SLC15A4: variants seen among roughly 807,000 people sequenced by gnomAD.
SLC15A4 encodes the protein solute carrier family 15 member 4, also known as hPHT1.
Under a neutral mutation model 46.1 loss-of-function variants are expected in SLC15A4, and 26 were observed. The ratio of observed to expected loss-of-function variants is 0.56; its 90% CI spans 0.41 to 0.78. The LOEUF (loss-of-function observed/expected upper bound fraction) is 0.78. Among genes scored for constraint, SLC15A4 ranks in the 30% least tolerant of loss-of-function variants. The pLI, the probability that SLC15A4 is intolerant of heterozygous loss-of-function variation, is 0.00. For synonymous variants in SLC15A4, 370 were observed against 333.4 expected, an observed-to-expected ratio of 1.11 and a Z score of -1.20; for missense variants, 751 against 755.7, an observed-to-expected ratio of 0.99 and a Z score of 0.07.
rs753989501 is a variant in SLC15A4, at chr12:128,809,964, A to C, written c.990T>G (p.Pro330=). The C allele has an allele frequency of 8.1e-6, 13 of 1,614,120 alleles. No homozygotes were observed. Among genetic ancestry groups the C allele is most frequent in the Non-Finnish European group, 1.1e-5 (13 of 1,180,022 alleles). ...KIVPVFLALI[P]YWTVYFQMQT... Reference sequence around the variant, plus strand: ...TCACTTGGAAATACACTGTCCAGTAAGGTATCAAAGCCAAGAAAACAGGGA... The same window carrying C: ...TCACTTGGAAATACACTGTCCAGTACGGTATCAAAGCCAAGAAAACAGGGA... Residue 330 remains proline, a synonymous_variant, in exon 3 of 8, where the codon CCT becomes CCG. Coordinates refer to ENST00000266771, the MANE Select transcript of SLC15A4 (RefSeq NM_145648.4).
intron 7 of SLC15A4, among the ~76,000 whole-genome samples, chr12:128,797,695 C>G (rs1190816753): frequency 3.9e-5 from 6 of 152,192 alleles, no homozygotes; most frequent in Non-Finnish European, 7.3e-5. Flanking sequence ...ACAGACACCC[C>G]CGGAACCTGG....
Position 128,823,676 on chromosome 12 carries a change from G to T in SLC15A4, c.268C>A (p.Pro90Thr), listed in dbSNP as rs1432787905. The T allele has an allele frequency of 4.0e-6, 6 of 1,503,052 alleles. No homozygotes were observed. The Admixed American group carries it at 1.3e-4, about 32-fold the overall frequency. 93.1% of individuals were successfully genotyped at this position (1,503,052 alleles called of 1,614,324 possible). Reference protein sequence around the residue: ...LFMGLTYLGSPFGGWLADARL... With the variant: ...LFMGLTYLGSTFGGWLADARL... ...GCGTCGGCCAGCCAGCCTCCGAACG[G>T]CGAGCCCAGGTAGGTGAGGCCCATG... Residue 90 changes from proline to threonine, a missense_variant, in exon 1 of 8, where the codon CCG (proline) becomes ACG (threonine). Pro to Thr is a conservative substitution (Grantham distance 38, BLOSUM62 -1). Transcript: ENST00000266771.
At chr12:128,811,151 A>G (rs895689919) in intron 2 of SLC15A4, among the ~76,000 whole-genome samples, 8 of 152,360 alleles carry the variant, frequency 5.3e-5, no homozygotes, top group Admixed American at 3.9e-4. Context: ...ACGGGCTCCA[A>G]GGATCTCAGG....
rs1649133011 is a variant in SLC15A4, at chr12:128,808,834, C to T, written c.1212G>A (p.Arg404=). 6.2e-7 allele frequency: 1 copy of T among 1,614,082 alleles called. No individual in the cohort carries two copies. The change falls in exon 5 of 8, where the codon AGG becomes AGA. Residue 404 remains arginine, a synonymous_variant. Transcript: ENST00000266771. The part of the protein sequence containing the change: ...RHGLLPSSLK[R]IAVGMFFVMC... ...TGACAAAGAACATGCCCACGGCGAT[C>T]CTCTTCAGGGAGGATGGGAGCAGGC...
chr12:128,803,391 G>A (rs1423606153), intron 5 of SLC15A4, among the ~76,000 whole-genome samples: 4 of 151,970 alleles, frequency 2.6e-5, no homozygotes, highest in Admixed American at 6.5e-5. Flanking sequence ...GTGATGAGCC[G>A]CTTTTGTTGA....
chr12:128,821,884 CA>C (rs10579523), intron 1 of SLC15A4, among the ~76,000 whole-genome samples: 20,527 of 132,482 alleles, frequency 0.15, 1,487 homozygotes, highest in Middle Eastern at 0.24. Context: ...GACTCCGCCT[CA>C]AAAAAAAAAA....
At chr12:128,822,138 C>T (rs1396296782) in intron 1 of SLC15A4, among the ~76,000 whole-genome samples, 2 of 152,178 alleles carry the variant, frequency 1.3e-5, no homozygotes, top group Non-Finnish European at 2.9e-5. Context: ...TCTGACTTTG[C>T]TATTGCTCTT....
intron 5 of SLC15A4, among the ~76,000 whole-genome samples, chr12:128,807,402 T>C (rs1301749205): frequency 6.6e-6 from 1 of 152,178 alleles, no homozygotes; most frequent in East Asian, 1.9e-4. Context: ...AAACCAAGTA[T>C]CTACTGGAAA....
Position 128,810,245 on chromosome 12 carries a change from A to G in SLC15A4, c.843-134T>C. 5 of 771,182 alleles carry G rather than the reference A, an allele frequency of 6.5e-6. No individual in the cohort carries two copies. In the South Asian group the frequency reaches 8.8e-5, roughly 14 times the overall value. 47.8% of individuals were successfully genotyped at this position (771,182 alleles called of 1,614,324 possible). On this transcript the variant is annotated intron_variant, in intron 2 of 7. Coordinates refer to ENST00000266771, the MANE Select transcript of SLC15A4 (RefSeq NM_145648.4). ...CTTCAACTCATTCCATCACTTACTA[A>G]TTGTACACACCCAACACAGCTACCT...
chr12:128,801,877 T>C (rs1325376157), intron 5 of SLC15A4, among the ~76,000 whole-genome samples: 1 of 152,190 alleles, frequency 6.6e-6, no homozygotes, highest in East Asian at 1.9e-4. Context: ...CAGAGGGCAA[T>C]GGAATGAAAA....
intron 5 of SLC15A4, among the ~76,000 whole-genome samples, chr12:128,804,946 C>T (rs758769152): frequency 3.3e-5 from 5 of 152,132 alleles, no homozygotes; most frequent in East Asian, 1.9e-4. Flanking sequence ...AGACGAAGGC[C>T]GATTCTAGAC....
intron 1 of SLC15A4, among the ~76,000 whole-genome samples, chr12:128,819,082 C>T (rs1343122830): frequency 6.6e-6 from 1 of 152,188 alleles, no homozygotes; most frequent in Admixed American, 6.5e-5. Context: ...CTACCCTTCA[C>T]TTGGAGCCTC....
intron 5 of SLC15A4, 78 bp from the exon 6 acceptor site, chr12:128,801,087 G>C: frequency 2.2e-6 from 3 of 1,366,698 alleles, no homozygotes; most frequent in Middle Eastern, 1.9e-4. Flanking sequence ...TGTTGGCTAC[G>C]AGACTTCGTA....
chr12:128,823,501 G>GCGTCGGGACCAGGCGC lies in SLC15A4; in HGVS notation c.427_442dup (p.Ala148GlyfsTer42). 4.7e-6 allele frequency: 7 copies of GCGTCGGGACCAGGCGC among 1,484,650 alleles called. No homozygotes were observed. The highest frequency in any genetic ancestry group is 6.2e-6 in the Non-Finnish European group (7 of 1,124,586). 92.0% of individuals were successfully genotyped at this position (1,484,650 alleles called of 1,614,324 possible). On this transcript the variant is annotated frameshift_variant, in exon 1 of 8. Coordinates refer to ENST00000266771, the MANE Select transcript of SLC15A4 (RefSeq NM_145648.4). LOFTEE classifies it high-confidence loss of function. ...GGCCGGTGAGCAGCAGCGGGCGGCG[G>GCGTCGGGACCAGGCGC]CGTCGGGACCAGGCGCCGTGCAGTT...
intron 5 of SLC15A4, among the ~76,000 whole-genome samples, chr12:128,807,229 C>A (rs375541379): frequency 6.6e-6 from 1 of 152,026 alleles, no homozygotes; most frequent in Non-Finnish European, 1.5e-5. Flanking sequence ...ACAGAACTGA[C>A]GGAGTGCAAT....
intron 1 of SLC15A4, chr12:128,819,471 C>T (rs1955805421): frequency 2.0e-5 from 3 of 152,188 alleles, no homozygotes; most frequent in Non-Finnish European, 4.4e-5. Flanking sequence ...CCCAAAATTT[C>T]ATCATGAATC....
At chr12:128,821,437 A>G (rs2135725967) in intron 1 of SLC15A4, among the ~76,000 whole-genome samples, 1 of 152,362 alleles carries the variant, frequency 6.6e-6, no homozygotes, top group Admixed American at 6.5e-5. Context: ...CAGTTACTCA[A>G]TTCTGCCACT....
At chr12:128,821,094 T>C (rs1019320062) in intron 1 of SLC15A4, among the ~76,000 whole-genome samples, 6 of 152,234 alleles carry the variant, frequency 3.9e-5, no homozygotes, top group African/African-American at 7.2e-5. Flanking sequence ...GCAGTGCAGA[T>C]GCTGGCGCCC....
chr12:128,793,656 G>A lies in SLC15A4; in HGVS notation c.*540C>T, dbSNP rs1372748476. On this transcript the variant is annotated 3_prime_UTR_variant, in exon 8 of 8. Transcript: ENST00000266771. The stretch of plus-strand genomic sequence containing the variant: ...GCCTAAATCAAAGAACATGGCAAGA[G>A]CAAGATTGTTCTCAGGAAGGAAACC... 6.6e-6 allele frequency: 1 copy of A among 152,006 alleles called. No homozygotes were observed. Among genetic ancestry groups the A allele is most frequent in the Non-Finnish European group, 1.5e-5 (1 of 68,036 alleles). The allele number at this position is 152,006 out of a possible 1,614,324, so 9.4% of individuals were successfully genotyped here.
Sources: gnomAD v4.1 joint callset for allele counts (sites outside exome capture counted in the v4.1 genomes callset) on GRCh38, gnomAD v4.1.1 for gene constraint, MANE v1.5 for transcripts, NCBI Gene and HGNC (gene_info 2026-07-23, HGNC 2026-07-21) for gene names.